The following ZPR1 variants were observed in gnomAD, a reference collection of about 807,000 sequenced individuals.
ZPR1 encodes the protein zinc finger protein ZPR1.
Under a neutral mutation model 59.6 loss-of-function variants are expected in ZPR1, and 37 were observed. The ratio of observed to expected loss-of-function variants is 0.62; its 90% CI spans 0.48 to 0.82. The LOEUF is 0.82. Among genes scored for constraint, ZPR1 ranks in the 40% least tolerant of loss-of-function variants. The pLI is 0.00. For missense variants in ZPR1, 527 were observed against 579.9 expected (o/e 0.91, Z 0.94); for synonymous variants, 191 against 215.2 (o/e 0.89, Z 0.99).
chr11:116,785,547 C>A lies in ZPR1; in HGVS notation c.672G>T (p.Arg224=), dbSNP rs762695065. Residue 224 remains arginine, a synonymous_variant, in exon 6 of 14, where the codon CGG becomes CGT. Transcript: ENST00000227322. Reference sequence around the variant, plus strand: ...CCAGCATCTCTTCCTGCTGTCGGGTCCGGTTGTAGTGTGTGATCACCAGGG... The same window carrying A: ...CCAGCATCTCTTCCTGCTGTCGGGTACGGTTGTAGTGTGTGATCACCAGGG... ...DDALVITHYN[R]TRQQEEMLGL... is the part of the protein sequence containing the mutation. 6 of 1,614,172 alleles carry A rather than the reference C, an allele frequency of 3.7e-6. No individual in the cohort carries two copies. The highest frequency in any genetic ancestry group is 5.1e-6 in the Non-Finnish European group (6 of 1,180,038).
At chr11:116,781,097 C>A in intron 12 of ZPR1, among the ~76,000 whole-genome samples, 1 of 151,520 alleles carries the variant, frequency 6.6e-6, no homozygotes, top group South Asian at 2.1e-4. Flanking sequence ...GAGGGAATCT[C>A]CCAAAGAAGA....
intron 6 of ZPR1, 95 bp from the exon 7 acceptor site, chr11:116,785,241 T>G (rs1940866390): frequency 7.2e-7 from 1 of 1,398,298 alleles, no homozygotes; most frequent in African/African-American, 1.4e-5. Flanking sequence ...AGGTGCCACC[T>G]CATCAGTTAT....
chr11:116,784,282 C>A (rs1032723674), intron 9 of ZPR1, 96 bp downstream of exon 9: 2 of 1,313,520 alleles, frequency 1.5e-6, no homozygotes, highest in East Asian at 2.3e-5. Flanking sequence ...ACTCTACACC[C>A]CCTGCCCCCG....
rs951522736 is a variant in ZPR1, at chr11:116,784,843, G to A, written c.820+12C>T. ...CAGATGAAGAGCAACCCAACTGCTT[G>A]GCAAAAGATACGTACTAGCTTCATG... On this transcript the variant is annotated intron_variant, in intron 8 of 13. Coordinates refer to ENST00000227322, the MANE Select transcript of ZPR1 (RefSeq NM_003904.5). 7 of 1,613,996 alleles carry A rather than the reference G, an allele frequency of 4.3e-6. No individual in the cohort carries two copies. The highest frequency in any genetic ancestry group is 1.7e-5 in the Admixed American group (1 of 59,994).
In ZPR1 at chr11:116,778,549, C is replaced by A; in HGVS notation, c.*376G>T. ...AGTCAGTATTTTATATACTCAAAAC[C>A]AACAACAAACTCCAGGTGTAACTTT... is the stretch of plus-strand genomic sequence containing the variant. On this transcript the variant is annotated 3_prime_UTR_variant, in exon 14 of 14. Transcript: ENST00000227322. 1 of 207,788 alleles carries A rather than the reference C, an allele frequency of 4.8e-6. No individual in the cohort carries two copies. The highest frequency in any genetic ancestry group is 9.8e-6 in the Non-Finnish European group (1 of 101,826). The allele number at this position is 207,788 out of a possible 1,614,324, so 12.9% of individuals were successfully genotyped here.
At chr11:116,784,050 TTTCAGACAGCTCTATTGAGTTC>T (rs1436999757) in intron 9 of ZPR1, among the ~76,000 whole-genome samples, 1 of 152,164 alleles carries the variant, frequency 6.6e-6, no homozygotes, top group Non-Finnish European at 1.5e-5. Flanking sequence ...CTCATTCTAT[TTTCAGACAGCTCTATTGAGTTC>T]TTCATTGTGA....
Position 116,774,575 on chromosome 11 carries a change from G to C in ZPR1, c.*4350C>G, listed in dbSNP as rs969671101. On this transcript the variant is annotated 3_prime_UTR_variant, in exon 14 of 14. Transcript: ENST00000227322. ...TTCTTTACTCATATAATACAAAACA[G>C]GCTTGGGGATCAGTCTTGAAGCATG... The C allele has an allele frequency of 2.0e-5, 3 of 152,152 alleles. No individual in the cohort carries two copies. Among genetic ancestry groups the C allele is most frequent in the Non-Finnish European group, 4.4e-5 (3 of 68,030 alleles). 9.4% of individuals were successfully genotyped at this position (152,152 alleles called of 1,614,324 possible).
chr11:116,784,640 G>GGCAT, intron 8 of ZPR1, 192 bp from the exon 9 acceptor site: 1 of 813,824 alleles, frequency 1.2e-6, no homozygotes, highest in East Asian at 2.7e-5. Context: ...CACATTTGAA[G>GGCAT]GCATGGCTCA....
At position 116,787,955 on chromosome 11, in the gene ZPR1, CG is replaced by C; in HGVS notation, c.35del (p.Pro12ArgfsTer41). 1.4e-6 allele frequency: 2 copies of C among 1,456,940 alleles called. No homozygotes were observed. The highest frequency in any genetic ancestry group is 1.8e-6 in the Non-Finnish European group (2 of 1,114,692). The allele number at this position is 1,456,940 out of a possible 1,614,324, so 90.3% of individuals were successfully genotyped here. Reference protein sequence around the residue: ...AASGAVEPGPPGAAVAPSPAP... With the variant: ...AASGAVEPGPXGAAVAPSPAP... ...CGGGCGACGGGGCGACGGCAGCCCCCGGGGGCCCTGGTTCCACAGCCCCGCT... is the reference window on the plus strand; with the variant it reads ...CGGGCGACGGGGCGACGGCAGCCCCCGGGGCCCTGGTTCCACAGCCCCGCT... On this transcript the variant is annotated frameshift_variant, in exon 1 of 14. Transcript: ENST00000227322. LOFTEE classifies it high-confidence loss of function.
In ZPR1 at chr11:116,774,221, G is replaced by A. The variant is rs1367431185; in HGVS notation, c.*4704C>T. On this transcript the variant is annotated 3_prime_UTR_variant, in exon 14 of 14. Coordinates refer to ENST00000227322, the MANE Select transcript of ZPR1 (RefSeq NM_003904.5). ...CCTTCACTAATTTATGTAGTAGTTCGGTGGGGGGGCACTTAAGCAAATTTG... is the reference window on the plus strand; with the variant it reads ...CCTTCACTAATTTATGTAGTAGTTCAGTGGGGGGGCACTTAAGCAAATTTG... The A allele has an allele frequency of 6.6e-6, 1 of 152,048 alleles. No individual in the cohort carries two copies. Among genetic ancestry groups the A allele is most frequent in the Admixed American group, 6.5e-5 (1 of 15,268 alleles). 9.4% of individuals were successfully genotyped at this position (152,048 alleles called of 1,614,324 possible).
chr11:116,775,762 G>C lies in ZPR1; in HGVS notation c.*3163C>G, dbSNP rs940271897. On this transcript the variant is annotated 3_prime_UTR_variant, in exon 14 of 14. Transcript: ENST00000227322. ...CTAATTATCCCCATTTTACAGACTA[G>C]GAAAACAAGCATTGGAAGTGCCAAT... 8 of 165,930 alleles carry C rather than the reference G, an allele frequency of 4.8e-5. No individual in the cohort carries two copies. Among genetic ancestry groups the C allele is most frequent in the Middle Eastern group, 3.5e-3 (1 of 288 alleles). The allele number at this position is 165,930 out of a possible 1,614,324, so 10.3% of individuals were successfully genotyped here. A position where few individuals can be genotyped will look rare whatever the true frequency, so the allele number is the denominator to read the frequency against.
intron 6 of ZPR1, among the ~76,000 whole-genome samples, 178 bp from the exon 7 acceptor site, chr11:116,785,324 T>C (rs912902174): frequency 6.6e-6 from 1 of 152,118 alleles, no homozygotes; most frequent in Admixed American, 6.5e-5. Flanking sequence ...GGACTTAAGA[T>C]AGGATCACAG....
At chr11:116,786,842 G>T (rs1333016464) in intron 3 of ZPR1, 127 bp downstream of exon 3, 1 of 808,926 alleles carries the variant, frequency 1.2e-6, no homozygotes. Context: ...AACTAATGAA[G>T]ATCACAATGA....
chr11:116,787,902 T>C lies in ZPR1; in HGVS notation c.89A>G (p.His30Arg). ...PAPAPPPAPD[H>R]LFRPISAEDE... ...CTCGGCGCTGATGGGCCGGAACAGG[T>C]GATCAGGGGCAGGCGGCGGGGCCGG... Residue 30 changes from histidine to arginine, a missense_variant, in exon 1 of 14, where the codon CAC becomes CGC. Coordinates refer to ENST00000227322, the MANE Select transcript of ZPR1 (RefSeq NM_003904.5). The C allele has an allele frequency of 1.3e-6, 2 of 1,533,098 alleles. No individual in the cohort carries two copies. Among genetic ancestry groups the C allele is most frequent in the Non-Finnish European group, 1.7e-6 (2 of 1,143,224 alleles). The allele number at this position is 1,533,098 out of a possible 1,614,324, so 95.0% of individuals were successfully genotyped here. A position where few individuals can be genotyped will look rare whatever the true frequency, so the allele number is the denominator to read the frequency against.
intron 13 of ZPR1, 119 bp from the exon 14 acceptor site, chr11:116,779,178 C>T: frequency 1.4e-6 from 2 of 1,387,272 alleles, no homozygotes; most frequent in Middle Eastern, 2.2e-4. Flanking sequence ...TTTTTATTGG[C>T]CTCCAATTTC....
chr11:116,779,179 C>A, intron 13 of ZPR1, 120 bp from the exon 14 acceptor site: 1 of 1,388,162 alleles, frequency 7.2e-7, no homozygotes, highest in Non-Finnish European at 9.8e-7. Context: ...TTTTATTGGC[C>A]TCCAATTTCC....
chr11:116,786,424 A>T (rs959642471), intron 4 of ZPR1, 87 bp downstream of exon 4: 1 of 1,476,090 alleles, frequency 6.8e-7, no homozygotes, highest in African/African-American at 1.4e-5. Flanking sequence ...AGTTTCCAAC[A>T]CTTAGTCAGA....
intron 3 of ZPR1, 64 bp downstream of exon 3, chr11:116,786,905 G>C (rs1188446893): frequency 7.3e-7 from 1 of 1,362,468 alleles, no homozygotes; most frequent in Non-Finnish European, 1.1e-6. Flanking sequence ...AGGGGGTTTT[G>C]CAAGAAAGAG....
intron 4 of ZPR1, 45 bp downstream of exon 4, chr11:116,786,466 A>C (rs1449749310): frequency 6.2e-7 from 1 of 1,611,634 alleles, no homozygotes. Flanking sequence ...ACTCTATATA[A>C]GCAATTATTC....
Sources: allele counts gnomAD v4.1 joint callset (sites outside exome capture counted in the v4.1 genomes callset), GRCh38; gene constraint gnomAD v4.1.1; transcripts MANE v1.5; gene names NCBI Gene and HGNC (gene_info 2026-07-23, HGNC 2026-07-21).